Variants in GHR observed in about 807,000 individuals in gnomAD.
The protein encoded by GHR is growth hormone receptor.
Under a neutral mutation model 67.1 loss-of-function variants are expected in GHR, and 35 were observed. The ratio of observed to expected loss-of-function variants is 0.52; its 90% CI spans 0.40 to 0.69. The LOEUF is 0.69. Among genes scored for constraint, GHR ranks in the 30% least tolerant of loss-of-function variants. The pLI, the probability that GHR is intolerant of heterozygous loss-of-function variation, is 0.00. For synonymous variants in GHR, 272 were observed against 269.1 expected (o/e 1.01, Z -0.10); for missense variants, 792 against 764.6 (o/e 1.04, Z -0.42).
At chr5:42,474,150 C>T (rs574983281) in intron 1 of GHR, among the ~76,000 whole-genome samples, 3 of 150,906 alleles carry the variant, frequency 2.0e-5, no homozygotes, top group East Asian at 1.9e-4. Flanking sequence ...GATTGTGCCA[C>T]AGCACTCCAA....
intron 3 of GHR, among the ~76,000 whole-genome samples, chr5:42,675,373 T>C (rs1457314036): frequency 2.0e-5 from 3 of 152,210 alleles, no homozygotes; most frequent in African/African-American, 7.2e-5. Flanking sequence ...CCCACCTTTC[T>C]ATCTTAGAGG....
intron 4 of GHR, among the ~76,000 whole-genome samples, chr5:42,693,085 C>A (rs1757497035): frequency 6.6e-6 from 1 of 151,924 alleles, no homozygotes; most frequent in Admixed American, 6.6e-5. Flanking sequence ...TTTTCTTCTG[C>A]CTTTTGCCCA....
At chr5:42,458,434 G>T (rs1185361191) in intron 1 of GHR, among the ~76,000 whole-genome samples, 2 of 151,860 alleles carry the variant, frequency 1.3e-5, no homozygotes, top group Non-Finnish European at 2.9e-5. Context: ...ATATGCAGAA[G>T]ATTGAAGCTG....
At chr5:42,463,819 C>T (rs1484678487) in intron 1 of GHR, among the ~76,000 whole-genome samples, 4 of 150,710 alleles carry the variant, frequency 2.7e-5, no homozygotes, top group Non-Finnish European at 5.9e-5. Flanking sequence ...CGGTGAAACC[C>T]CGTCTCTACT....
chr5:42,436,686 A>C (rs1412056607), intron 1 of GHR, among the ~76,000 whole-genome samples: 1 of 152,184 alleles, frequency 6.6e-6, no homozygotes, highest in Non-Finnish European at 1.5e-5. Context: ...AATGTGCCTG[A>C]GTTTTGGATA....
In GHR at chr5:42,665,479, A is replaced by C. The variant is rs1356768526; in HGVS notation, c.137-23411A>C. On this transcript the variant is annotated intron_variant, in intron 3 of 9. Coordinates refer to ENST00000230882, the MANE Select transcript of GHR (RefSeq NM_000163.5). ...GATGAAATTGGAAATCATCATTCTG[A>C]GTAAACTATCGCAAGAACAAAAAAC... 3.3e-5 allele frequency among the ~76,000 whole-genome samples: 5 copies of C among 151,972 alleles called. 1 individual carries two copies. In the South Asian group the frequency reaches 1.0e-3, roughly 32 times the overall value.
At chr5:42,445,425 TG>T (rs1436615383) in intron 1 of GHR, among the ~76,000 whole-genome samples, 1 of 152,222 alleles carries the variant, frequency 6.6e-6, no homozygotes, top group Admixed American at 6.5e-5. Flanking sequence ...TTAGTAGTGA[TG>T]TTATCAGAAA....
chr5:42,629,010 T>C (rs1753831451), intron 2 of GHR, 28 bp from the exon 3 acceptor site: 3 of 1,225,418 alleles, frequency 2.4e-6, no homozygotes, highest in Non-Finnish European at 3.5e-6. Context: ...TGGGGATGAC[T>C]AATGGTTTTC....
At chr5:42,597,038 G>C (rs1281728050) in intron 2 of GHR, among the ~76,000 whole-genome samples, 1 of 152,134 alleles carries the variant, frequency 6.6e-6, no homozygotes, top group Non-Finnish European at 1.5e-5. Flanking sequence ...TTTACTCAAG[G>C]CTGATTGAGA....
At chr5:42,578,675 A>G (rs979208281) in intron 2 of GHR, among the ~76,000 whole-genome samples, 9 of 152,186 alleles carry the variant, frequency 5.9e-5, no homozygotes, top group African/African-American at 2.2e-4. Flanking sequence ...CTTTTATACA[A>G]TGTCATATAT....
chr5:42,642,339 C>A (rs1297846414), intron 3 of GHR, among the ~76,000 whole-genome samples: 1 of 152,146 alleles, frequency 6.6e-6, no homozygotes, highest in Non-Finnish European at 1.5e-5. Flanking sequence ...ACAACCTTGA[C>A]CATCACCACT....
chr5:42,534,165 CATATGTATATATGTATGT>C (rs1748115224), intron 1 of GHR, among the ~76,000 whole-genome samples: 1 of 86,228 alleles, frequency 1.2e-5, no homozygotes, highest in African/African-American at 5.2e-5. Context: ...TATATATGTA[CATATGTATATATGTATGT>C]ATATATGTAC....
chr5:42,497,930 A>G (rs1345489541), intron 1 of GHR, among the ~76,000 whole-genome samples: 1 of 152,168 alleles, frequency 6.6e-6, no homozygotes, highest in East Asian at 1.9e-4. Flanking sequence ...CAGTATCTTC[A>G]GGCCCTGAAG....
At chr5:42,478,329 C>T (rs1745440042) in intron 1 of GHR, among the ~76,000 whole-genome samples, 1 of 152,174 alleles carries the variant, frequency 6.6e-6, no homozygotes. Flanking sequence ...ATGCCTCCAG[C>T]TTTGTTCTTT....
chr5:42,671,883 G>A (rs1371194997), intron 3 of GHR, among the ~76,000 whole-genome samples: 1 of 149,066 alleles, frequency 6.7e-6, no homozygotes, highest in Non-Finnish European at 1.5e-5. Context: ...GTGAACCCGG[G>A]AGGCGGAGCT....
intron 1 of GHR, among the ~76,000 whole-genome samples, chr5:42,482,796 T>C (rs1745709417): frequency 6.6e-6 from 1 of 152,172 alleles, no homozygotes; most frequent in Non-Finnish European, 1.5e-5. Flanking sequence ...TTTCTTTGAC[T>C]AGGAAAGGGA....
At chr5:42,570,375 T>C (rs1409710874) in intron 2 of GHR, among the ~76,000 whole-genome samples, 1 of 152,206 alleles carries the variant, frequency 6.6e-6, no homozygotes, top group African/African-American at 2.4e-5. Context: ...TATTGCAGAA[T>C]TTATTTGATG....
rs1202852000 is a variant in GHR at position 42,474,269 on chromosome 5, AAGAAAGAAAGAAAGAAAAAGAGAAAG to A, written c.-12+50332_-12+50357del. ...AGAGAAAGACAGACAGAAAGAAAGA[AAGAAAGAAAGAAAGAAAAAGAGAAAG>A]AGAAAGAAAGAAAGAAAGAAAGAAA... is the stretch of plus-strand genomic sequence containing the variant. On this transcript the variant is annotated intron_variant, in intron 1 of 9. Transcript: ENST00000230882. Among the ~76,000 whole-genome samples the A allele has an allele frequency of 2.4e-4, 31 of 128,168 alleles. 1 individual carries two copies. The highest frequency in any genetic ancestry group is 3.9e-3 in the Middle Eastern group (1 of 256). 84.1% of individuals were successfully genotyped at this position (128,168 alleles called of 152,430 possible).
chr5:42,432,724 G>A (rs1466613535), intron 1 of GHR, among the ~76,000 whole-genome samples: 3 of 152,166 alleles, frequency 2.0e-5, no homozygotes, highest in African/African-American at 4.8e-5. Flanking sequence ...TAAAGGAAAG[G>A]CATCATTTTT....
Sources: allele counts gnomAD v4.1 joint callset (sites outside exome capture counted in the v4.1 genomes callset), GRCh38; gene constraint gnomAD v4.1.1; transcripts MANE v1.5; gene names NCBI Gene and HGNC (gene_info 2026-07-23, HGNC 2026-07-21).